The following TRIM5 variants were observed in gnomAD, a reference collection of about 807,000 sequenced individuals.
TRIM5 encodes the protein tripartite motif containing 5.
In TRIM5, 31 loss-of-function variants were observed where a neutral mutation model predicts 35.6. The observed-to-expected ratio is 0.87, with a 90% confidence interval of 0.65 to 1.18. The LOEUF is 1.18. Ranked by LOEUF, TRIM5 falls within the 50% of genes most tolerant of loss-of-function variation. TRIM5 has a pLI of 0.00. For missense variants in TRIM5, 609 were observed against 591.6 expected, an observed-to-expected ratio of 1.03 and a Z score of -0.31; for synonymous variants, 243 against 215.6, an observed-to-expected ratio of 1.13 and a Z score of -1.11.
the TRIM5 span, among the ~76,000 whole-genome samples, chr11:5,614,667 G>T: frequency 6.6e-5 from 10 of 152,124 alleles, no homozygotes; most frequent in Non-Finnish European, 1.3e-4. Context: ...GAACTGTATT[G>T]TCACTAAAGT....
At chr11:5,647,351 C>G in the TRIM5 span, among the ~76,000 whole-genome samples, 1 of 151,840 alleles carries the variant, frequency 6.6e-6, no homozygotes, top group South Asian at 2.1e-4. Flanking sequence ...ATTGTTTACA[C>G]CAAGGAAAAA....
At chr11:5,602,211 C>T in the TRIM5 span, among the ~76,000 whole-genome samples, 105,843 of 151,830 alleles carry the variant, frequency 0.7, 38,101 homozygotes, top group South Asian at 0.8. Flanking sequence ...GAGGCCAAGG[C>T]GGGCGGATCA....
the TRIM5 span, among the ~76,000 whole-genome samples, chr11:5,594,558 C>T: frequency 6.6e-6 from 1 of 152,112 alleles, no homozygotes; most frequent in East Asian, 1.9e-4. Context: ...CCTTCCACCT[C>T]GGCCTCCCAA....
At chr11:5,673,137 G>C (rs138688707) in intron 4 of TRIM5, among the ~76,000 whole-genome samples, 3 of 152,178 alleles carry the variant, frequency 2.0e-5, no homozygotes, top group African/African-American at 7.2e-5. Context: ...GAGACTGTCA[G>C]ACAGACTGGG....
chr11:5,615,193 A>G, the TRIM5 span, among the ~76,000 whole-genome samples: 6 of 152,192 alleles, frequency 3.9e-5, no homozygotes, highest in Non-Finnish European at 8.8e-5. Flanking sequence ...GGTAAAGGAT[A>G]TGATCTATAT....
the TRIM5 span, among the ~76,000 whole-genome samples, chr11:5,648,242 T>C: frequency 0.016 from 2,439 of 151,956 alleles, 34 homozygotes; most frequent in Middle Eastern, 0.038. Context: ...CGCGGTGGCT[T>C]ACACCTGTAA....
chr11:5,612,814 A>G, the TRIM5 span: 3 of 152,274 alleles, frequency 2.0e-5, no homozygotes, highest in African/African-American at 7.2e-5. Context: ...GATGTGCTCA[A>G]TGTATAAAAT....
At chr11:5,656,903 C>T in the TRIM5 span, among the ~76,000 whole-genome samples, 8 of 152,124 alleles carry the variant, frequency 5.3e-5, no homozygotes, top group East Asian at 1.9e-4. Context: ...GATAGTGTGG[C>T]GATTCCTCAA....
chr11:5,611,802 G>A, the TRIM5 span: 1 of 159,410 alleles, frequency 6.3e-6, no homozygotes, highest in African/African-American at 2.4e-5. Context: ...ACCCAGTGGT[G>A]AGAGTAAGCA....
the TRIM5 span, chr11:5,610,415 A>G: frequency 6.3e-7 from 1 of 1,591,238 alleles, no homozygotes; most frequent in Non-Finnish European, 8.6e-7. Flanking sequence ...GGGAGATGAA[A>G]TGGCCAGGTG....
At chr11:5,604,479 G>A in the TRIM5 span, 3 of 1,562,536 alleles carry the variant, frequency 1.9e-6, no homozygotes, top group African/African-American at 2.7e-5. Context: ...TCTATGTCTG[G>A]GTACTGAGTC....
the TRIM5 span, chr11:5,626,461 T>C: frequency 2.0e-5 from 3 of 152,248 alleles, no homozygotes; most frequent in African/African-American, 4.8e-5. Context: ...GTTTTCATTG[T>C]AAGAACACAT....
chr11:5,666,585 T>A (rs533687829), intron 5 of TRIM5, among the ~76,000 whole-genome samples: 1 of 152,270 alleles, frequency 6.6e-6, no homozygotes, highest in African/African-American at 2.4e-5. Context: ...CCTAAGACCT[T>A]CAAAGCTATT....
At position 5,680,097 on chromosome 11, in the gene TRIM5, G is replaced by A; in HGVS notation, c.81C>T (p.Ser27=). Residue 27 remains serine (S), a synonymous_variant, in exon 2 of 8, where the codon AGC becomes AGT. Transcript: ENST00000380034. ...ICLELLTQPL[S]LDCGHSFCQA... is the part of the protein sequence containing the mutation. ...GGCAGAAGCTGTGGCCGCAGTCCAG[G>A]CTCAGGGGTTGTGTCAGGAGTTCCA... is the stretch of plus-strand genomic sequence containing the variant. 6.2e-7 allele frequency: 1 copy of A among 1,614,098 alleles called. No individual in the cohort carries two copies. The highest frequency in any genetic ancestry group is 8.5e-7 in the Non-Finnish European group (1 of 1,180,028).
chr11:5,678,190 T>C lies in TRIM5; in HGVS notation c.744+14A>G. ...TCTTTAATCTCAGTGCTCAGGCTTCTTTCCACTTTTTACCTGAAGCAGCTC... is the reference window on the plus strand; with the variant it reads ...TCTTTAATCTCAGTGCTCAGGCTTCCTTCCACTTTTTACCTGAAGCAGCTC... On this transcript the variant is annotated intron_variant, in intron 4 of 7. Transcript: ENST00000380034. 6.3e-7 allele frequency: 1 copy of C among 1,594,710 alleles called. No homozygotes were observed.
At chr11:5,643,939 G>A in the TRIM5 span, 82 of 567,698 alleles carry the variant, frequency 1.4e-4, no homozygotes, top group Non-Finnish European at 2.2e-4. Flanking sequence ...AGACACAGCA[G>A]TATGGGTATA....
At chr11:5,607,072 C>A in the TRIM5 span, among the ~76,000 whole-genome samples, 4 of 150,478 alleles carry the variant, frequency 2.7e-5, no homozygotes, top group African/African-American at 9.7e-5. Context: ...GGCGTGGTGG[C>A]GGGCGCCTGT....
the TRIM5 span, among the ~76,000 whole-genome samples, chr11:5,608,847 A>ATTTTTTTTTTTT: frequency 1.7e-3 from 170 of 101,886 alleles, 10 homozygotes; most frequent in African/African-American, 5.8e-3. Context: ...TTGCCCATAA[A>ATTTTTTTTTTTT]TTTTTTTTTT....
intron 5 of TRIM5, among the ~76,000 whole-genome samples, chr11:5,666,794 G>C (rs11820502): frequency 0.46 from 69,400 of 152,184 alleles, 19,277 homozygotes; most frequent in African/African-American, 0.77. Context: ...TTATGCTCTT[G>C]TAAAGAATGC....
Sources: allele counts gnomAD v4.1 joint callset (sites outside exome capture counted in the v4.1 genomes callset), GRCh38; gene constraint gnomAD v4.1.1; transcripts MANE v1.5; gene names NCBI Gene and HGNC (gene_info 2026-07-23, HGNC 2026-07-21).